Variants in FGF13 observed in about 807,000 individuals in gnomAD.
The protein encoded by FGF13 is fibroblast growth factor homologous factor 2.
A neutral mutation model predicts 19.5 loss-of-function variants in FGF13; 2 were observed. The ratio of observed to expected loss-of-function variants is 0.10; its 90% confidence interval spans 0.04 to 0.32. The LOEUF (loss-of-function observed/expected upper bound fraction) is 0.32, where lower values mean the gene tolerates loss of function less well. FGF13 is among the 10% of genes least tolerant of loss of function. The pLI is 1.00. For missense variants in FGF13, 113 were observed against 192.7 expected, an observed-to-expected ratio of 0.59 and a Z score of 2.45; for synonymous variants, 72 against 76.9, an observed-to-expected ratio of 0.94 and a Z score of 0.33.
At chrX:138,681,944 C>A (rs2124191970) in intron 3 of FGF13, among the ~76,000 whole-genome samples, 1 of 111,881 alleles carries the variant, frequency 8.9e-6, no homozygotes, top group East Asian at 2.8e-4. Context: ...TCACTGATTA[C>A]ACAAGATCAC....
At chrX:138,779,020 G>C (rs1006793876) in intron 3 of FGF13, among the ~76,000 whole-genome samples, 2 of 112,333 alleles carry the variant, frequency 1.8e-5, no homozygotes, top group Non-Finnish European at 3.8e-5. Flanking sequence ...TGACCCCAGA[G>C]CAGCCTAACT....
At chrX:138,731,003 C>A (rs1283003720) in intron 1 of FGF13, among the ~76,000 whole-genome samples, 2 of 111,045 alleles carry the variant, frequency 1.8e-5, no homozygotes, top group South Asian at 3.7e-4. Context: ...ATAAAATGGT[C>A]AATTAATCAA....
Position 138,779,017 on chromosome X carries a change from A to C in FGF13, c.218-70089T>G, listed in dbSNP as rs901156030. Among the ~76,000 whole-genome samples, 43 of 112,391 alleles carry C rather than the reference A, an allele frequency of 3.8e-4. 1 individual carries two copies. The highest frequency in any genetic ancestry group is 1.5e-3 in the Admixed American group (16 of 10,679). ...AAGTGGGTCCCTGACTCCTGACCCC[A>C]GAGCAGCCTAACTGGGAGGCACCCC... On this transcript the variant is annotated intron_variant, in intron 3 of 6. Transcript: ENST00000436198.
intron 1 of FGF13, among the ~76,000 whole-genome samples, chrX:139,054,899 G>GTTGTGTTGTGTTGTGTTGTATTGTA (rs1556347171): frequency 1.7e-3 from 167 of 98,930 alleles, no homozygotes; most frequent in African/African-American, 6.4e-3. Flanking sequence ...GTTGTGTTGT[G>GTTGTGTTGTGTTGTGTTGTATTGTA]TTGTATTGTA....
At chrX:139,113,961 C>T (rs182744116) in intron 1 of FGF13, among the ~76,000 whole-genome samples, 51 of 112,157 alleles carry the variant, frequency 4.5e-4, no homozygotes, top group African/African-American at 1.5e-3. Flanking sequence ...ACTTCGGATT[C>T]TCTTAACACC....
chrX:139,090,610 G>A (rs1482115013), intron 1 of FGF13, among the ~76,000 whole-genome samples: 1 of 110,326 alleles, frequency 9.1e-6, no homozygotes, highest in Non-Finnish European at 1.9e-5. Flanking sequence ...TCTGCCCTCC[G>A]ATAGGCCCCA....
rs1407535340 is a variant in FGF13, at chrX:138,626,165, T to C, written c.*6685A>G. ...TAATACAGGCCTAAGTGGCTCATAATGTTTTTCTGGTAATGAGGTATGATG... is the reference window on the plus strand; with the variant it reads ...TAATACAGGCCTAAGTGGCTCATAACGTTTTTCTGGTAATGAGGTATGATG... On this transcript the variant is annotated 3_prime_UTR_variant, in exon 5 of 5. Coordinates refer to ENST00000315930, the MANE Select transcript of FGF13 (RefSeq NM_004114.5). The C allele has an allele frequency of 8.9e-6, 1 of 112,207 alleles. No individual in the cohort carries two copies. Among genetic ancestry groups the C allele is most frequent in the Non-Finnish European group, 1.9e-5 (1 of 53,210 alleles). The allele number at this position is 112,207 out of a possible 1,213,427, so 9.2% of individuals were successfully genotyped here.
intron 1 of FGF13, among the ~76,000 whole-genome samples, chrX:138,936,466 A>T (rs1056811082): frequency 7.1e-5 from 8 of 112,456 alleles, no homozygotes; most frequent in Non-Finnish European, 1.3e-4. Context: ...TTACCTAGAC[A>T]TAGTAAGGGC....
chrX:138,968,142 T>A (rs1351972510), intron 1 of FGF13, among the ~76,000 whole-genome samples: 4 of 112,003 alleles, frequency 3.6e-5, no homozygotes. Context: ...GTTCTGACAA[T>A]TATTACATAG....
At chrX:138,857,570 G>A in exon 3 of FGF13, 2 of 1,207,364 alleles carry the variant, frequency 1.7e-6, no homozygotes, top group Non-Finnish European at 2.2e-6. Flanking sequence ...AGAAGATTTC[G>A]TGACACTTAG....
intron 1 of FGF13, among the ~76,000 whole-genome samples, chrX:138,736,371 T>C (rs1442382989): frequency 1.8e-5 from 2 of 112,422 alleles, no homozygotes; most frequent in East Asian, 2.8e-4. Context: ...ATCAGCTAGA[T>C]TGTTTAATCA....
chrX:138,689,208 A>C (rs1007612217), intron 3 of FGF13, among the ~76,000 whole-genome samples: 2 of 112,114 alleles, frequency 1.8e-5, no homozygotes, highest in African/African-American at 6.5e-5. Flanking sequence ...AAAGGTAGCT[A>C]AGTCTGAAAT....
chrX:138,968,344 A>G, intron 1 of FGF13, among the ~76,000 whole-genome samples: 1 of 112,394 alleles, frequency 8.9e-6, no homozygotes, highest in East Asian at 2.8e-4. Flanking sequence ...ATGCAATCCT[A>G]CTGGGTCATA....
intron 1 of FGF13, among the ~76,000 whole-genome samples, chrX:139,082,492 T>C (rs780134448): frequency 1.8e-5 from 2 of 111,786 alleles, no homozygotes; most frequent in Admixed American, 9.5e-5. Flanking sequence ...GTGGGCTCTA[T>C]ATCCAATGAC....
chrX:138,844,756 C>T (rs955753573), intron 3 of FGF13, among the ~76,000 whole-genome samples: 2 of 110,360 alleles, frequency 1.8e-5, no homozygotes, highest in African/African-American at 6.6e-5. Flanking sequence ...GGCCTTGCTT[C>T]TCTAGTCTCT....
At chrX:138,677,115 A>G (rs971682520) in intron 3 of FGF13, among the ~76,000 whole-genome samples, 2 of 112,389 alleles carry the variant, frequency 1.8e-5, no homozygotes, top group African/African-American at 3.2e-5. Context: ...ACTATCTATT[A>G]TAGTTATGTG....
chrX:139,001,442 C>CA (rs2092072909), intron 1 of FGF13, among the ~76,000 whole-genome samples: 1 of 110,358 alleles, frequency 9.1e-6, no homozygotes, highest in Admixed American at 9.6e-5. Flanking sequence ...GTCCATCTGA[C>CA]AAAGGGCTAA....
At chrX:139,008,848 T>C (rs999322488) in intron 1 of FGF13, among the ~76,000 whole-genome samples, 4 of 111,421 alleles carry the variant, frequency 3.6e-5, no homozygotes, top group South Asian at 3.7e-4. Context: ...CAAGCCAAGA[T>C]AAAAATCTCT....
At chrX:138,877,389 A>G (rs1158172400) in intron 1 of FGF13, among the ~76,000 whole-genome samples, 4 of 112,243 alleles carry the variant, frequency 3.6e-5, no homozygotes, top group African/African-American at 1.3e-4. Context: ...AAATAATGAA[A>G]CCACTTTTGA....
Sources: allele counts gnomAD v4.1 joint callset (sites outside exome capture counted in the v4.1 genomes callset), GRCh38; gene constraint gnomAD v4.1.1; transcripts MANE v1.5; gene names NCBI Gene and HGNC (gene_info 2026-07-23, HGNC 2026-07-21).